The following HTR1F variants were observed in gnomAD, a reference collection of about 807,000 sequenced individuals.
HTR1F encodes 5-hydroxytryptamine (serotonin) receptor 1F, G protein-coupled.
A neutral mutation model predicts 24.0 loss-of-function variants in HTR1F; 17 were observed. The observed-to-expected ratio is 0.71, with a 90% confidence interval of 0.48 to 1.06. The LOEUF (loss-of-function observed/expected upper bound fraction) is 1.06. Ranked by LOEUF, HTR1F falls within the 50% of genes least tolerant of loss-of-function variation. The pLI is 0.00. For missense variants in HTR1F, 391 were observed against 427.8 expected, an observed-to-expected ratio of 0.91 and a Z score of 0.76; for synonymous variants, 186 against 156.8, an observed-to-expected ratio of 1.19 and a Z score of -1.39.
At chr3:87,793,827 TTGACGATCG>T (rs919223952) in intron 1 of HTR1F, among the ~76,000 whole-genome samples, 8 of 152,196 alleles carry the variant, frequency 5.3e-5, no homozygotes, top group African/African-American at 9.6e-5. Flanking sequence ...CCCAGGCACC[TTGACGATCG>T]TAATATAGTT....
At chr3:87,854,847 AC>A (rs2107215189) in intron 2 of HTR1F, among the ~76,000 whole-genome samples, 1 of 151,972 alleles carries the variant, frequency 6.6e-6, no homozygotes, top group East Asian at 1.9e-4. Flanking sequence ...ATATCTATTA[AC>A]TTTTTGTTCA....
chr3:87,866,416 T>A (rs1705427659), intron 2 of HTR1F, among the ~76,000 whole-genome samples: 1 of 152,196 alleles, frequency 6.6e-6, no homozygotes, highest in South Asian at 2.1e-4. Flanking sequence ...AGCAAAGTTA[T>A]AAATCCTTTG....
Position 87,875,770 on chromosome 3 carries a change from A to C in HTR1F, c.-43+53646A>C, listed in dbSNP as rs1705656589. ...AAACCCCATCTCTACTAAAAATACA[A>C]AAAATTAGCTGGGCATGGTGGTGGG... On this transcript the variant is annotated intron_variant, in intron 2 of 2. Coordinates refer to ENST00000319595, the MANE Select transcript of HTR1F (RefSeq NM_001322209.2). Among the ~76,000 whole-genome samples the C allele has an allele frequency of 2.0e-5, 3 of 151,278 alleles. No homozygotes were observed. The South Asian group carries it at 6.3e-4, about 32-fold the overall frequency.
At chr3:87,811,277 T>TA (rs58596561) in intron 1 of HTR1F, among the ~76,000 whole-genome samples, 82 of 145,482 alleles carry the variant, frequency 5.6e-4, no homozygotes, top group South Asian at 3.7e-3. Context: ...ATTCTATTGT[T>TA]AAAAAAAAAA....
At chr3:87,861,740 C>T (rs1705322998) in intron 2 of HTR1F, among the ~76,000 whole-genome samples, 1 of 152,038 alleles carries the variant, frequency 6.6e-6, no homozygotes, top group South Asian at 2.1e-4. Flanking sequence ...TCCCATAGCT[C>T]TTCTACTTAC....
chr3:87,931,026 C>CTTTTTTTTTTTTTTTTTTTTTTCT (rs34617109), intron 2 of HTR1F, among the ~76,000 whole-genome samples: 83 of 131,664 alleles, frequency 6.3e-4, no homozygotes, highest in South Asian at 1.1e-3. Flanking sequence ...ATAGTCTTTC[C>CTTTTTTTTTTTTTTTTTTTTTTCT]TTTTTTTTTT....
chr3:87,854,398 T>G (rs2932298), intron 2 of HTR1F, among the ~76,000 whole-genome samples: 68,566 of 151,748 alleles, frequency 0.45, 19,009 homozygotes, highest in African/African-American at 0.79. Flanking sequence ...ACTGATTTTA[T>G]TTTTTATCTT....
At chr3:87,890,459 CA>C (rs1281350475) in intron 2 of HTR1F, among the ~76,000 whole-genome samples, 1 of 150,172 alleles carries the variant, frequency 6.7e-6, no homozygotes, top group East Asian at 2.0e-4. Context: ...AAACAAGAAA[CA>C]AATATTTTAT....
chr3:87,888,919 C>A (rs1003863887), intron 2 of HTR1F, among the ~76,000 whole-genome samples: 1 of 152,150 alleles, frequency 6.6e-6, no homozygotes, highest in African/African-American at 2.4e-5. Context: ...TTTGTCTCTT[C>A]CAATTCTTGT....
intron 2 of HTR1F, among the ~76,000 whole-genome samples, chr3:87,989,800 C>T (rs551765358): frequency 6.6e-6 from 1 of 152,110 alleles, no homozygotes; most frequent in Non-Finnish European, 1.5e-5. Flanking sequence ...AGCCCAATAA[C>T]GAGATGCAGA....
At chr3:87,918,024 A>G (rs1213433606) in intron 2 of HTR1F, among the ~76,000 whole-genome samples, 1 of 152,096 alleles carries the variant, frequency 6.6e-6, no homozygotes, top group Non-Finnish European at 1.5e-5. Flanking sequence ...ATTCATCACG[A>G]ACAAGAGGGT....
intron 1 of HTR1F, among the ~76,000 whole-genome samples, chr3:87,821,738 T>G (rs1704363273): frequency 1.3e-5 from 2 of 152,134 alleles, no homozygotes; most frequent in African/African-American, 4.8e-5. Context: ...GTAATAAACG[T>G]TAATTACAAA....
In HTR1F at chr3:87,926,566, A is replaced by C. The variant is rs139337660; in HGVS notation, c.-42-64142A>C. 4.9e-3 allele frequency among the ~76,000 whole-genome samples: 751 copies of C among 152,292 alleles called. 9 individuals carry two copies. Among genetic ancestry groups the C allele is most frequent in the African/African-American group, 0.017 (696 of 41,564 alleles). The stretch of plus-strand genomic sequence containing the variant: ...CAATGCCTAATACCTAGTAAATTTC[A>C]AAGAGATCAGTAAATGAAAAAGTAT... On this transcript the variant is annotated intron_variant, in intron 2 of 2. Coordinates refer to ENST00000319595, the MANE Select transcript of HTR1F (RefSeq NM_001322209.2).
At chr3:87,805,367 A>C (rs1183615004) in intron 1 of HTR1F, among the ~76,000 whole-genome samples, 2 of 152,142 alleles carry the variant, frequency 1.3e-5, no homozygotes, top group Non-Finnish European at 2.9e-5. Flanking sequence ...GATTTTCCAC[A>C]GGGAAATACA....
chr3:87,935,821 A>T (rs995871634), intron 2 of HTR1F, among the ~76,000 whole-genome samples: 12 of 152,220 alleles, frequency 7.9e-5, no homozygotes, highest in African/African-American at 2.9e-4. Context: ...TCTGAAAAAA[A>T]AAATTTGGCT....
At chr3:87,936,767 C>A (rs1196882082) in intron 2 of HTR1F, among the ~76,000 whole-genome samples, 1 of 152,016 alleles carries the variant, frequency 6.6e-6, no homozygotes, top group African/African-American at 2.4e-5. Context: ...CTCTTAGTAG[C>A]AAGCCTGTTT....
intron 2 of HTR1F, among the ~76,000 whole-genome samples, chr3:87,971,043 T>C (rs1277305348): frequency 3.9e-5 from 6 of 152,190 alleles, no homozygotes; most frequent in African/African-American, 1.4e-4. Flanking sequence ...TGACACTACC[T>C]TCCATCCAAA....
At chr3:87,946,650 C>A in intron 2 of HTR1F, among the ~76,000 whole-genome samples, 1 of 142,086 alleles carries the variant, frequency 7.0e-6, no homozygotes. Context: ...TTTAAACAGT[C>A]TCACTCTGTC....
chr3:87,974,421 T>C (rs1705350081), intron 2 of HTR1F, among the ~76,000 whole-genome samples: 1 of 152,200 alleles, frequency 6.6e-6, no homozygotes, highest in Admixed American at 6.5e-5. Context: ...CGAGTGCATG[T>C]TATTAAATTT....
Sources: allele counts gnomAD v4.1 joint callset (sites outside exome capture counted in the v4.1 genomes callset), GRCh38; gene constraint gnomAD v4.1.1; transcripts MANE v1.5; gene names NCBI Gene and HGNC (gene_info 2026-07-23, HGNC 2026-07-21).